FGD4: variants seen among roughly 807,000 people sequenced by gnomAD.
FGD4 encodes the protein FYVE, RhoGEF and PH domain-containing protein 4.
In FGD4, 42 loss-of-function variants were observed where a neutral mutation model predicts 102.0. The observed-to-expected ratio is 0.41, with a 90% confidence interval of 0.32 to 0.53. FGD4 has a LOEUF of 0.53. Ranked by LOEUF, FGD4 falls within the 20% of genes least tolerant of loss-of-function variation. FGD4 has a pLI of 0.21. For synonymous variants in FGD4, 380 were observed against 375.7 expected, an observed-to-expected ratio of 1.01 and a Z score of -0.13; for missense variants, 902 against 1,078.2, an observed-to-expected ratio of 0.84 and a Z score of 2.29.
chr12:32,633,714 T>A, intron 15 of FGD4, 25 bp downstream of exon 15: 10 of 1,571,796 alleles, frequency 6.4e-6, no homozygotes, highest in Non-Finnish European at 8.7e-6. Flanking sequence ...ATATTGGATA[T>A]CTTTTAGATT....
intron 5 of FGD4, among the ~76,000 whole-genome samples, chr12:32,599,693 A>T (rs1244843853): frequency 6.7e-6 from 1 of 149,888 alleles, no homozygotes; most frequent in Non-Finnish European, 1.5e-5. Flanking sequence ...AATTACAGGC[A>T]TGCACCACCC....
chr12:32,595,805 A>G (rs1214902299), intron 4 of FGD4, among the ~76,000 whole-genome samples: 2 of 152,234 alleles, frequency 1.3e-5, no homozygotes, highest in Non-Finnish European at 2.9e-5. Flanking sequence ...ATGACTGCAT[A>G]GTTCTTATTT....
intron 15 of FGD4, among the ~76,000 whole-genome samples, chr12:32,634,068 A>T (rs984212707): frequency 1.3e-5 from 2 of 152,204 alleles, no homozygotes; most frequent in Non-Finnish European, 2.9e-5. Flanking sequence ...GTGTTTAACA[A>T]TTTGTATAAT....
At chr12:32,475,223 C>T (rs1391128177) in intron 1 of FGD4, among the ~76,000 whole-genome samples, 2 of 152,042 alleles carry the variant, frequency 1.3e-5, no homozygotes, top group African/African-American at 4.8e-5. Flanking sequence ...TCTTCCTGTC[C>T]GAGTAGGGTG....
chr12:32,449,813 C>A (rs1467373789), intron 1 of FGD4, among the ~76,000 whole-genome samples: 1 of 152,170 alleles, frequency 6.6e-6, no homozygotes, highest in Non-Finnish European at 1.5e-5. Flanking sequence ...TCACACCTTA[C>A]TTCCTGCCTT....
rs1472761227 is a variant in FGD4, at chr12:32,570,888, G to A, written c.320-5378G>A. On this transcript the variant is annotated intron_variant, in intron 2 of 16. Transcript: ENST00000534526. ...AGCCAAGGATGGCAGAACAAAGAAG[G>A]GGGCAGATGAAGGGCATTCTTATAT... Among the ~76,000 whole-genome samples the A allele has an allele frequency of 2.0e-5, 3 of 152,258 alleles. No individual in the cohort carries two copies. In the East Asian group the frequency reaches 5.8e-4, roughly 29 times the overall value.
At chr12:32,450,931 C>G (rs1942756744) in intron 1 of FGD4, among the ~76,000 whole-genome samples, 1 of 152,232 alleles carries the variant, frequency 6.6e-6, no homozygotes, top group Admixed American at 6.5e-5. Context: ...GCTGCTCCCT[C>G]CCTCTGTGCA....
At position 32,625,168 on chromosome 12, in the gene FGD4, T is replaced by C. The variant is rs1431262723; in HGVS notation, c.2046+100T>C. 18 of 983,092 alleles carry C rather than the reference T, an allele frequency of 1.8e-5. 1 individual carries two copies. In the Middle Eastern group the frequency reaches 8.8e-4, roughly 48 times the overall value. 60.9% of individuals were successfully genotyped at this position (983,092 alleles called of 1,614,324 possible). On this transcript the variant is annotated intron_variant, in intron 13 of 16. Coordinates refer to ENST00000534526, the MANE Select transcript of FGD4 (RefSeq NM_001370298.3). ...GTTCTCCAACCTTTTCCCTTTACAA[T>C]GTCAGAACTGGCTGGTTAGACAGAA...
intron 1 of FGD4, among the ~76,000 whole-genome samples, chr12:32,443,563 G>T (rs546333040): frequency 2.2e-4 from 31 of 142,252 alleles, no homozygotes; most frequent in African/African-American, 7.6e-4. Flanking sequence ...TTTTGAGGCA[G>T]GGTCTTACTC....
At chr12:32,403,260 A>G (rs1006179146) in intron 1 of FGD4, among the ~76,000 whole-genome samples, 2 of 152,124 alleles carry the variant, frequency 1.3e-5, no homozygotes, top group Non-Finnish European at 2.9e-5. Flanking sequence ...AAGTGTACCA[A>G]CTGCATCCTT....
chr12:32,452,710 C>T (rs556821771), intron 1 of FGD4, among the ~76,000 whole-genome samples: 9 of 152,198 alleles, frequency 5.9e-5, no homozygotes, highest in East Asian at 3.9e-4. Context: ...ATAAGTGGGG[C>T]GCAGTGGCTC....
At chr12:32,515,785 G>T (rs904945410) in intron 1 of FGD4, among the ~76,000 whole-genome samples, 1 of 152,174 alleles carries the variant, frequency 6.6e-6, no homozygotes, top group Non-Finnish European at 1.5e-5. Flanking sequence ...GATGGAAACT[G>T]TATTTTTGCA....
intron 2 of FGD4, among the ~76,000 whole-genome samples, chr12:32,569,697 A>G (rs1195406315): frequency 6.6e-6 from 1 of 151,964 alleles, no homozygotes; most frequent in Non-Finnish European, 1.5e-5. Context: ...TTTACTTGCT[A>G]TTTTTTTGTT....
At chr12:32,625,392 C>T (rs1434142934) in intron 13 of FGD4, among the ~76,000 whole-genome samples, 1 of 151,464 alleles carries the variant, frequency 6.6e-6, no homozygotes, top group Non-Finnish European at 1.5e-5. Context: ...GCCTTAGCCT[C>T]CCGAGTAGCT....
intron 11 of FGD4, among the ~76,000 whole-genome samples, chr12:32,620,520 CT>C (rs1233071153): frequency 0.015 from 1,355 of 91,124 alleles, 16 homozygotes; most frequent in African/African-American, 0.052. Context: ...TTTTTTCTTT[CT>C]TTTTTTTTTT....
chr12:32,503,246 T>C (rs1000433176), intron 1 of FGD4, among the ~76,000 whole-genome samples: 2 of 152,222 alleles, frequency 1.3e-5, no homozygotes, highest in Admixed American at 1.3e-4. Context: ...ATAGGGCCAG[T>C]GCTCTGTGAG....
chr12:32,591,369 T>G (rs1947462963), intron 4 of FGD4, among the ~76,000 whole-genome samples: 2 of 152,224 alleles, frequency 1.3e-5, no homozygotes, highest in Non-Finnish European at 2.9e-5. Flanking sequence ...TTTAGGAAAA[T>G]TCTTCCTACC....
At chr12:32,584,020 C>A (rs1490974042) in intron 4 of FGD4, among the ~76,000 whole-genome samples, 1 of 152,122 alleles carries the variant, frequency 6.6e-6, no homozygotes, top group Non-Finnish European at 1.5e-5. Flanking sequence ...ACTTTTTCTT[C>A]CCTTCACATA....
intron 1 of FGD4, among the ~76,000 whole-genome samples, chr12:32,522,036 C>T (rs953011320): frequency 2.6e-5 from 4 of 152,256 alleles, no homozygotes; most frequent in Non-Finnish European, 4.4e-5. Flanking sequence ...CCCATTTAAA[C>T]GTGCATATGA....
Sources: gnomAD v4.1 joint callset for allele counts (sites outside exome capture counted in the v4.1 genomes callset) on GRCh38, gnomAD v4.1.1 for gene constraint, MANE v1.5 for transcripts, NCBI Gene and HGNC (gene_info 2026-07-23, HGNC 2026-07-21) for gene names.